The following DNAH6 variants were observed in gnomAD, a reference collection of about 807,000 sequenced individuals.
The protein encoded by DNAH6 is dynein axonemal heavy chain 6, also known as axonemal beta dynein heavy chain 6.
A neutral mutation model predicts 491.4 loss-of-function variants in DNAH6; 340 were observed. That is an observed-to-expected ratio of 0.69 (90% confidence interval 0.63 to 0.76). The LOEUF (loss-of-function observed/expected upper bound fraction) is 0.76, where lower values mean the gene tolerates loss of function less well. DNAH6 is among the 30% of genes least tolerant of loss of function. The probability of loss-of-function intolerance (pLI) is 0.00; values close to 1 mark genes in which losing one functional copy is unlikely to be tolerated. For missense variants in DNAH6, 4,443 were observed against 4,972.2 expected (o/e 0.89, Z 3.20); for synonymous variants, 1,603 against 1,686.1 (o/e 0.95, Z 1.21).
the DNAH6 span, among the ~76,000 whole-genome samples, chr2:84,498,296 A>G: frequency 1.3e-5 from 2 of 152,164 alleles, no homozygotes; most frequent in African/African-American, 4.8e-5. Flanking sequence ...TTTTGGCAGC[A>G]TGTCTAGACA....
intron 33 of DNAH6, among the ~76,000 whole-genome samples, chr2:84,647,056 A>G (rs1689971127): frequency 6.6e-6 from 1 of 152,158 alleles, no homozygotes; most frequent in Non-Finnish European, 1.5e-5. Context: ...CATGTTGGCC[A>G]GGCTGATCTT....
chr2:84,750,340 G>A (rs938726211), intron 63 of DNAH6, among the ~76,000 whole-genome samples: 3 of 151,784 alleles, frequency 2.0e-5, no homozygotes, highest in African/African-American at 4.8e-5. Context: ...GTACCACCAC[G>A]CCCAGCTAAT....
intron 63 of DNAH6, among the ~76,000 whole-genome samples, chr2:84,761,467 A>C (rs374583689): frequency 1.4e-4 from 22 of 152,208 alleles, no homozygotes; most frequent in African/African-American, 5.3e-4. Flanking sequence ...TTACCCCATA[A>C]ATTTATACAG....
At chr2:84,539,038 A>G (rs1251931149) in intron 4 of DNAH6, among the ~76,000 whole-genome samples, 1 of 152,128 alleles carries the variant, frequency 6.6e-6, no homozygotes, top group Non-Finnish European at 1.5e-5. Context: ...TTGAAGCCAT[A>G]TTATCAAAAA....
intron 18 of DNAH6, among the ~76,000 whole-genome samples, chr2:84,596,550 C>G (rs116385796): frequency 0.04 from 6,141 of 151,926 alleles, 392 homozygotes; most frequent in African/African-American, 0.14. Context: ...AGGCTGGCCT[C>G]AAAATCCTGA....
Position 84,684,743 on chromosome 2 carries a change from T to G in DNAH6, c.6917-583T>G, listed in dbSNP as rs1211504454. ...CATATTGGTGGTCCCTGTGGAGAAG[T>G]ACCATTTCCAGGAATTCCTGTACAT... On this transcript the variant is annotated intron_variant, in intron 42 of 76. Coordinates refer to ENST00000389394, the MANE Select transcript of DNAH6 (RefSeq NM_001370.2). 3.9e-5 allele frequency among the ~76,000 whole-genome samples: 6 copies of G among 152,208 alleles called. No individual in the cohort carries two copies. The East Asian group carries it at 9.6e-4, about 24-fold the overall frequency.
intron 64 of DNAH6, among the ~76,000 whole-genome samples, chr2:84,770,832 T>C (rs936555364): frequency 6.6e-6 from 1 of 151,340 alleles, no homozygotes; most frequent in African/African-American, 2.4e-5. Flanking sequence ...AAAATAATAA[T>C]AATAATAATT....
Position 84,607,046 on chromosome 2 carries a change from C to T in DNAH6, c.3245C>T (p.Thr1082Ile). 1.3e-6 allele frequency: 2 copies of T among 1,551,380 alleles called. No homozygotes were observed. The highest frequency in any genetic ancestry group is 1.4e-5 in the African/African-American group (1 of 73,154). ...TCACGTTACCTTGGTCCACTGAAAA[C>T]TCGAGTGGATGAATGGCAAAAACAA... ...ASSRYLGPLK[T>I]RVDEWQKQLA... Residue 1082 changes from threonine (T) to isoleucine (I), a missense_variant, in exon 21 of 77, where the codon ACT becomes ATT. Thr to Ile is a moderately conservative substitution (Grantham distance 89). This residue lies in a region of DNAH6 where 2,977 missense variants were observed against 3,296.6 expected (regional missense o/e 0.90). Transcript: ENST00000389394.
intron 72 of DNAH6, among the ~76,000 whole-genome samples, chr2:84,810,701 T>G (rs984726486): frequency 6.6e-6 from 1 of 152,180 alleles, no homozygotes; most frequent in Non-Finnish European, 1.5e-5. Context: ...CCCAGGAGTC[T>G]TGGGGAATGC....
At chr2:84,752,871 C>T (rs1458377815) in intron 63 of DNAH6, among the ~76,000 whole-genome samples, 1 of 152,098 alleles carries the variant, frequency 6.6e-6, no homozygotes, top group Admixed American at 6.5e-5. Flanking sequence ...CTGCCATAAA[C>T]ATTTGTGTAC....
chr2:84,669,219 A>G (rs1692474161), intron 37 of DNAH6, 70 bp from the exon 38 acceptor site: 2 of 1,194,134 alleles, frequency 1.7e-6, no homozygotes, highest in African/African-American at 1.5e-5. Context: ...TTTCTATGTG[A>G]GTGTATCTAC....
intron 63 of DNAH6, among the ~76,000 whole-genome samples, chr2:84,755,426 A>G (rs1270022383): frequency 6.6e-6 from 1 of 152,218 alleles, no homozygotes; most frequent in East Asian, 1.9e-4. Context: ...GTATTCTATT[A>G]TAGCAGCACA....
At chr2:84,474,865 C>G in the DNAH6 span, among the ~76,000 whole-genome samples, 2,237 of 152,304 alleles carry the variant, frequency 0.015, 38 homozygotes, top group Middle Eastern at 0.095. Flanking sequence ...TCTTTTCCCT[C>G]AATAGTTACT....
intron 62 of DNAH6, among the ~76,000 whole-genome samples, chr2:84,744,744 T>A (rs1258322887): frequency 1.3e-5 from 2 of 152,220 alleles, no homozygotes; most frequent in African/African-American, 4.8e-5. Context: ...TTTAATTATG[T>A]TTGCTTTGAA....
intron 51 of DNAH6, among the ~76,000 whole-genome samples, 190 bp from the exon 52 acceptor site, chr2:84,705,296 A>C (rs955363298): frequency 1.3e-5 from 2 of 152,204 alleles, no homozygotes; most frequent in African/African-American, 4.8e-5. Flanking sequence ...ATGGAAACTT[A>C]GTCACCCATT....
At chr2:84,573,386 G>C (rs946875273) in intron 11 of DNAH6, 81 bp from the exon 12 acceptor site, 22 of 1,215,684 alleles carry the variant, frequency 1.8e-5, no homozygotes, top group Non-Finnish European at 2.3e-5. Flanking sequence ...GTGCTTGCTT[G>C]TTTCTTTGTT....
chr2:84,589,344 T>C (rs1683870585), intron 16 of DNAH6, among the ~76,000 whole-genome samples: 1 of 152,162 alleles, frequency 6.6e-6, no homozygotes, highest in Non-Finnish European at 1.5e-5. Flanking sequence ...TATTGCCTGA[T>C]TTACCCTGGT....
intron 17 of DNAH6, among the ~76,000 whole-genome samples, chr2:84,594,704 A>T (rs1174943584): frequency 2.6e-5 from 4 of 152,186 alleles, no homozygotes; most frequent in Admixed American, 1.3e-4. Context: ...TCAACCTCAC[A>T]AATATTGTTT....
chr2:84,678,150 T>G (rs1320346480), intron 41 of DNAH6, among the ~76,000 whole-genome samples: 1 of 152,226 alleles, frequency 6.6e-6, no homozygotes, highest in African/African-American at 2.4e-5. Context: ...GGGAAATTAT[T>G]TTTAATAAAT....
Sources: allele counts gnomAD v4.1 joint callset (sites outside exome capture counted in the v4.1 genomes callset), GRCh38; gene constraint gnomAD v4.1.1; regional missense constraint gnomAD v4.1.1; transcripts MANE v1.5; gene names NCBI Gene and HGNC (gene_info 2026-07-23, HGNC 2026-07-21).